The following JAZF1 variants were observed in gnomAD, a reference collection of about 807,000 sequenced individuals.
The protein encoded by JAZF1 is juxtaposed with another zinc finger protein 1.
In JAZF1, 8 loss-of-function variants were observed where a neutral mutation model predicts 26.4. The ratio of observed to expected loss-of-function variants is 0.30; its 90% CI spans 0.18 to 0.55. The LOEUF (loss-of-function observed/expected upper bound fraction) is 0.55. Ranked by LOEUF, JAZF1 falls within the 20% of genes least tolerant of loss-of-function variation. The probability of loss-of-function intolerance (pLI) is 0.94; values close to 1 mark genes in which losing one functional copy is unlikely to be tolerated. For missense variants in JAZF1, 199 were observed against 322.0 expected (o/e 0.62, Z 2.92); for synonymous variants, 126 against 122.3 (o/e 1.03, Z -0.20).
chr7:28,145,521 T>A (rs1056272634), intron 1 of JAZF1, among the ~76,000 whole-genome samples: 2 of 152,190 alleles, frequency 1.3e-5, no homozygotes, highest in African/African-American at 4.8e-5. Context: ...CTTGTAGGCA[T>A]CCAACAAATA....
chr7:27,905,737 C>G (rs528031768), intron 2 of JAZF1, among the ~76,000 whole-genome samples: 1 of 151,904 alleles, frequency 6.6e-6, no homozygotes, highest in Non-Finnish European at 1.5e-5. Context: ...TCATCACCAG[C>G]CTCTAATTAA....
In JAZF1 at chr7:27,904,221, T is replaced by G. The variant is rs1355302278; in HGVS notation, c.189-8805A>C. Among the ~76,000 whole-genome samples, 7 of 152,344 alleles carry G rather than the reference T, an allele frequency of 4.6e-5. No homozygotes were observed. The East Asian group carries it at 1.4e-3, about 29-fold the overall frequency. On this transcript the variant is annotated intron_variant, in intron 2 of 4. Coordinates refer to ENST00000283928, the MANE Select transcript of JAZF1 (RefSeq NM_175061.4). The stretch of plus-strand genomic sequence containing the variant: ...TGGAAATAATGGGTACATTTCAGCA[T>G]GCAACCATGTGTGGCCCACATGTCA...
intron 2 of JAZF1, chr7:27,914,803 A>G (rs77656805): frequency 0.03 from 14,190 of 471,086 alleles, 585 homozygotes; most frequent in African/African-American, 0.13. Flanking sequence ...CTGATGCCCA[A>G]TGTCCCTACA....
chr7:27,899,578 G>T (rs574510953), intron 2 of JAZF1, among the ~76,000 whole-genome samples: 2 of 152,076 alleles, frequency 1.3e-5, no homozygotes, highest in Non-Finnish European at 2.9e-5. Flanking sequence ...GAGACTACAG[G>T]CACGCCCCCC....
At chr7:27,927,262 CA>C (rs1784615773) in intron 2 of JAZF1, among the ~76,000 whole-genome samples, 1 of 152,172 alleles carries the variant, frequency 6.6e-6, no homozygotes, top group Non-Finnish European at 1.5e-5. Context: ...GCCCCCATCC[CA>C]ATTTCTTCCC....
chr7:28,071,754 T>C (rs1032315775), intron 1 of JAZF1: 4 of 410,000 alleles, frequency 9.8e-6, no homozygotes, highest in Non-Finnish European at 1.5e-5. Flanking sequence ...GACACATCTG[T>C]GATCAGAAAA....
At chr7:27,849,752 G>GACACAGACACACACACACACACAC (rs61688947) in intron 3 of JAZF1, among the ~76,000 whole-genome samples, 6 of 108,446 alleles carry the variant, frequency 5.5e-5, no homozygotes, top group African/African-American at 2.6e-4. Flanking sequence ...CTTACACACA[G>GACACAGACACACACACACACACAC]ACACACACAC....
At chr7:27,950,244 G>A (rs908659333) in intron 2 of JAZF1, among the ~76,000 whole-genome samples, 1 of 152,250 alleles carries the variant, frequency 6.6e-6, no homozygotes, top group Non-Finnish European at 1.5e-5. Flanking sequence ...AAGACTCTCT[G>A]CAGAGTTGTT....
chr7:27,872,019 T>C (rs910732850), intron 3 of JAZF1, among the ~76,000 whole-genome samples: 1 of 152,234 alleles, frequency 6.6e-6, no homozygotes, highest in African/African-American at 2.4e-5. Context: ...TGTCACTGCC[T>C]ATGGTGCTGT....
intron 1 of JAZF1, among the ~76,000 whole-genome samples, chr7:28,102,345 G>A (rs1046860961): frequency 6.6e-6 from 1 of 152,220 alleles, no homozygotes; most frequent in African/African-American, 2.4e-5. Context: ...GACATATTGT[G>A]AATAAAATGC....
chr7:27,832,664 T>C lies in JAZF1; in HGVS notation c.*136A>G, dbSNP rs898384939. 36 of 662,990 alleles carry C rather than the reference T, an allele frequency of 5.4e-5. No homozygotes were observed. The highest frequency in any genetic ancestry group is 9.4e-5 in the Admixed American group (3 of 31,780). The allele number at this position is 662,990 out of a possible 1,614,324, so 41.1% of individuals were successfully genotyped here. A position where few individuals can be genotyped will look rare whatever the true frequency, so the allele number is the denominator to read the frequency against. Reference sequence around the variant, plus strand: ...CTACAAAGATACATCATTCCAAAATTACAGAAAAAATTTAAAGCATGCATT... The same window carrying C: ...CTACAAAGATACATCATTCCAAAATCACAGAAAAAATTTAAAGCATGCATT... On this transcript the variant is annotated 3_prime_UTR_variant, in exon 5 of 5. Coordinates refer to ENST00000283928, the MANE Select transcript of JAZF1 (RefSeq NM_175061.4).
At chr7:27,877,576 C>T (rs190166645) in intron 3 of JAZF1, among the ~76,000 whole-genome samples, 11 of 152,260 alleles carry the variant, frequency 7.2e-5, no homozygotes, top group Admixed American at 2.0e-4. Context: ...AGAGAAAACA[C>T]CTGTCTAGAA....
At position 27,832,139 on chromosome 7, in the gene JAZF1, CTAGT is replaced by C; in HGVS notation, c.*657_*660del. The C allele has an allele frequency of 4.7e-6, 1 of 213,082 alleles. No homozygotes were observed. The highest frequency in any genetic ancestry group is 2.3e-5 in the African/African-American group (1 of 44,264). The allele number at this position is 213,082 out of a possible 1,614,324, so 13.2% of individuals were successfully genotyped here. A position where few individuals can be genotyped will look rare whatever the true frequency, so the allele number is the denominator to read the frequency against. ...AATGCCATTTATAACACTAAAATGA[CTAGT>C]AAGTCAGATGGCAAGATTTTCAGCT... On this transcript the variant is annotated 3_prime_UTR_variant, in exon 5 of 5. Coordinates refer to ENST00000283928, the MANE Select transcript of JAZF1 (RefSeq NM_175061.4).
intron 3 of JAZF1, among the ~76,000 whole-genome samples, chr7:27,885,376 A>C (rs1783841801): frequency 6.6e-6 from 1 of 152,234 alleles, no homozygotes; most frequent in Admixed American, 6.5e-5. Flanking sequence ...CTTTACTAAA[A>C]TAACAACCAG....
At chr7:28,097,392 T>C (rs1483978119) in intron 1 of JAZF1, among the ~76,000 whole-genome samples, 2 of 152,216 alleles carry the variant, frequency 1.3e-5, no homozygotes, top group Non-Finnish European at 2.9e-5. Context: ...TTAAAATGAT[T>C]ACAGCATCAA....
chr7:28,047,272 C>T (rs976396137), intron 1 of JAZF1, among the ~76,000 whole-genome samples: 1 of 152,036 alleles, frequency 6.6e-6, no homozygotes, highest in Non-Finnish European at 1.5e-5. Flanking sequence ...GGGGCATATT[C>T]CTTCTAATTA....
chr7:28,140,083 CTTT>C (rs67016749), intron 1 of JAZF1, among the ~76,000 whole-genome samples: 24 of 125,094 alleles, frequency 1.9e-4, no homozygotes, highest in Non-Finnish European at 1.7e-4. Context: ...AGTCACAAAT[CTTT>C]TTTTTTTTTT....
intron 1 of JAZF1, among the ~76,000 whole-genome samples, chr7:28,034,754 T>C (rs1313838307): frequency 6.6e-6 from 1 of 152,112 alleles, no homozygotes; most frequent in Non-Finnish European, 1.5e-5. Flanking sequence ...TTCTAGAAAG[T>C]ACAGAAATGA....
At chr7:27,892,903 T>A (rs1783996099) in intron 3 of JAZF1, among the ~76,000 whole-genome samples, 1 of 152,176 alleles carries the variant, frequency 6.6e-6, no homozygotes, top group Non-Finnish European at 1.5e-5. Context: ...CACATTTAAC[T>A]TTGACAAAAA....
Sources: allele counts gnomAD v4.1 joint callset (sites outside exome capture counted in the v4.1 genomes callset), GRCh38; gene constraint gnomAD v4.1.1; transcripts MANE v1.5; gene names NCBI Gene and HGNC (gene_info 2026-07-23, HGNC 2026-07-21).